GSE1: variants seen among roughly 807,000 people sequenced by gnomAD.
GSE1 encodes the protein Gse1 coiled-coil protein.
Under a neutral mutation model 112.6 loss-of-function variants are expected in GSE1, and 32 were observed. That is an observed-to-expected ratio of 0.28 (90% CI 0.21 to 0.38). The LOEUF (loss-of-function observed/expected upper bound fraction) is 0.38. Ranked by LOEUF, GSE1 falls within the 10% of genes least tolerant of loss-of-function variation. The pLI, the probability that GSE1 is intolerant of heterozygous loss-of-function variation, is 1.00. For missense variants in GSE1, 2,348 were observed against 1,699.2 expected, an observed-to-expected ratio of 1.38 and a Z score of -6.71; for synonymous variants, 1,115 against 735.6, an observed-to-expected ratio of 1.52 and a Z score of -8.35.
chr16:85,634,159 G>C, intron 2 of GSE1, 27 bp downstream of exon 2: 16 of 1,383,536 alleles, frequency 1.2e-5, no homozygotes, highest in Non-Finnish European at 1.5e-5. Flanking sequence ...GGCTGCGCGT[G>C]GGGGGAGCGG....
intron 2 of GSE1, among the ~76,000 whole-genome samples, chr16:85,418,892 G>T (rs2048762574): frequency 6.6e-6 from 1 of 152,206 alleles, no homozygotes; most frequent in Admixed American, 6.5e-5. Context: ...ATAGGAGAGA[G>T]AGAGAACCTT....
At chr16:85,448,742 C>T (rs924887029) in intron 2 of GSE1, among the ~76,000 whole-genome samples, 2 of 152,222 alleles carry the variant, frequency 1.3e-5, no homozygotes, top group Admixed American at 6.5e-5. Context: ...CCCACATCCC[C>T]GGCCCTGCAA....
chr16:85,314,271 G>A (rs908436407), intron 1 of GSE1, among the ~76,000 whole-genome samples: 4 of 152,202 alleles, frequency 2.6e-5, no homozygotes, highest in African/African-American at 9.6e-5. Flanking sequence ...CCCTACACAC[G>A]TCTCGCCAAA....
chr16:85,319,362 C>A (rs2046051462), intron 1 of GSE1, among the ~76,000 whole-genome samples: 1 of 152,204 alleles, frequency 6.6e-6, no homozygotes, highest in South Asian at 2.1e-4. Context: ...AACCAGGCTG[C>A]AGTGAGCCGG....
At chr16:85,557,910 T>C (rs945534009) in intron 1 of GSE1, among the ~76,000 whole-genome samples, 1 of 152,134 alleles carries the variant, frequency 6.6e-6, no homozygotes, top group Non-Finnish European at 1.5e-5. Flanking sequence ...GTGTATGCCG[T>C]TTTGATAGGA....
intron 1 of GSE1, among the ~76,000 whole-genome samples, chr16:85,305,424 G>A (rs1416238526): frequency 8.6e-5 from 13 of 151,774 alleles, no homozygotes; most frequent in Admixed American, 4.6e-4. Context: ...TGCTTGGATT[G>A]CAGGCATGAG....
At chr16:85,368,051 T>G (rs1312810868) in intron 2 of GSE1, among the ~76,000 whole-genome samples, 1 of 152,036 alleles carries the variant, frequency 6.6e-6, no homozygotes, top group Non-Finnish European at 1.5e-5. Flanking sequence ...ACGGGGTTAC[T>G]CCATGTTGGT....
intron 1 of GSE1, among the ~76,000 whole-genome samples, chr16:85,213,267 CAAAAAAA>C (rs1209853671): frequency 5.0e-5 from 4 of 80,178 alleles, no homozygotes; most frequent in East Asian, 7.0e-4. Context: ...GACTCTGTTT[CAAAAAAA>C]AAAAAAAAAG....
chr16:85,503,532 C>A (rs533075963), intron 2 of GSE1, among the ~76,000 whole-genome samples: 76 of 152,306 alleles, frequency 5.0e-4, no homozygotes, highest in African/African-American at 1.5e-3. Flanking sequence ...GGGCCTCTGG[C>A]CCTGCTGGTA....
intron 1 of GSE1, among the ~76,000 whole-genome samples, chr16:85,178,777 C>T (rs887133226): frequency 2.0e-5 from 3 of 146,612 alleles, no homozygotes; most frequent in Admixed American, 1.4e-4. Context: ...GCAGAGTGGC[C>T]GGAGAGAGGG....
In GSE1 at chr16:85,656,476, C is replaced by T. The variant is rs549937106; in HGVS notation, c.1123C>T (p.Arg375Cys). The T allele has an allele frequency of 3.9e-6, 6 of 1,541,030 alleles. No individual in the cohort carries two copies. The highest frequency in any genetic ancestry group is 2.4e-5 in the East Asian group (1 of 40,878). ...GAAGGAGCGCGAGCAAGAGAAGGAGCGTGAGCGTGAGAAGGAGCGCGAGCG... is the reference window on the plus strand; with the variant it reads ...GAAGGAGCGCGAGCAAGAGAAGGAGTGTGAGCGTGAGAAGGAGCGCGAGCG... Reference protein sequence around the residue: ...REKEREQEKEREREKEREREL... With the variant: ...REKEREQEKECEREKEREREL... The change falls in exon 7 of 16, where the codon CGT becomes TGT. Residue 375 changes from arginine (R) to cysteine (C), a missense_variant. Arg to Cys is a radical substitution (Grantham distance 180). Coordinates refer to ENST00000253458, the MANE Select transcript of GSE1 (RefSeq NM_014615.5).
At chr16:85,368,011 G>A (rs1403147332) in intron 2 of GSE1, among the ~76,000 whole-genome samples, 3 of 151,842 alleles carry the variant, frequency 2.0e-5, no homozygotes, top group Admixed American at 6.6e-5. Context: ...CACCAAGCCC[G>A]GCTAATTGTG....
intron 2 of GSE1, among the ~76,000 whole-genome samples, chr16:85,528,223 T>C (rs923361249): frequency 2.6e-4 from 39 of 152,322 alleles, no homozygotes; most frequent in African/African-American, 9.1e-4. Context: ...AACAGATGAA[T>C]ATGTGTTAGG....
At chr16:85,648,219 C>T (rs967771299) in intron 2 of GSE1, among the ~76,000 whole-genome samples, 4 of 152,156 alleles carry the variant, frequency 2.6e-5, no homozygotes, top group Admixed American at 6.5e-5. Flanking sequence ...GGACGTCAGG[C>T]ACTGGTCCTG....
At chr16:85,542,866 C>T (rs543743428) in intron 2 of GSE1, among the ~76,000 whole-genome samples, 1 of 152,324 alleles carries the variant, frequency 6.6e-6, no homozygotes, top group South Asian at 2.1e-4. Context: ...ACAGGGTACT[C>T]GGTAGTTTCC....
At chr16:85,640,415 G>C (rs1056361003) in intron 2 of GSE1, among the ~76,000 whole-genome samples, 2 of 152,262 alleles carry the variant, frequency 1.3e-5, no homozygotes, top group Non-Finnish European at 2.9e-5. Context: ...CAGTGGGGCT[G>C]GAACTGCTCT....
At chr16:85,626,146 AAAATT>A (rs1428552426) in intron 1 of GSE1, among the ~76,000 whole-genome samples, 2 of 151,896 alleles carry the variant, frequency 1.3e-5, no homozygotes, top group Non-Finnish European at 2.9e-5. Flanking sequence ...TTGGAAAAAA[AAAATT>A]AAGGCACAAG....
At chr16:85,640,664 C>T (rs563288676) in intron 2 of GSE1, among the ~76,000 whole-genome samples, 14 of 152,372 alleles carry the variant, frequency 9.2e-5, no homozygotes, top group Admixed American at 6.5e-5. Context: ...ATGCTTCCAC[C>T]GTGGAGCCGG....
At chr16:85,568,429 GC>G (rs1477673575) in intron 1 of GSE1, among the ~76,000 whole-genome samples, 2 of 152,224 alleles carry the variant, frequency 1.3e-5, no homozygotes, top group African/African-American at 2.4e-5. Context: ...GGCAAGATGG[GC>G]CCCTCACTGG....
Sources: gnomAD v4.1 joint callset for allele counts (sites outside exome capture counted in the v4.1 genomes callset) on GRCh38, gnomAD v4.1.1 for gene constraint, MANE v1.5 for transcripts, NCBI Gene and HGNC (gene_info 2026-07-23, HGNC 2026-07-21) for gene names.